The following CDH23 variants were observed in gnomAD, a reference collection of about 807,000 sequenced individuals.
CDH23 encodes the protein cadherin-23.
Under a neutral mutation model 317.1 loss-of-function variants are expected in CDH23, and 189 were observed. The ratio of observed to expected loss-of-function variants is 0.60; its 90% CI spans 0.53 to 0.67. The LOEUF is 0.67. Ranked by LOEUF, CDH23 falls within the 30% of genes least tolerant of loss-of-function variation. The pLI is 0.00. For missense variants in CDH23, 4,401 were observed against 4,592.4 expected (o/e 0.96, Z 1.20); for synonymous variants, 1,839 against 1,876.8 (o/e 0.98, Z 0.52).
intron 21 of CDH23, among the ~76,000 whole-genome samples, chr10:71,695,070 C>T (rs947982340): frequency 3.3e-5 from 5 of 152,176 alleles, no homozygotes; most frequent in South Asian, 4.1e-4. Flanking sequence ...GTAGCTGAGA[C>T]GGGGAGGCTC....
chr10:71,681,494 G>A (rs1021922510), intron 17 of CDH23, among the ~76,000 whole-genome samples: 3 of 152,118 alleles, frequency 2.0e-5, no homozygotes, highest in East Asian at 1.9e-4. Flanking sequence ...AGGGTTCTTC[G>A]CCCACCTCTA....
intron 45 of CDH23, among the ~76,000 whole-genome samples, chr10:71,789,590 T>A (rs1357613731): frequency 6.6e-6 from 1 of 152,174 alleles, no homozygotes; most frequent in African/African-American, 2.4e-5. Flanking sequence ...CAGCCCCTGT[T>A]CCTCATCTCT....
chr10:71,447,369 C>G (rs1225876070), intron 3 of CDH23, among the ~76,000 whole-genome samples: 2 of 152,190 alleles, frequency 1.3e-5, no homozygotes, highest in African/African-American at 4.8e-5. Context: ...TCAACGATCT[C>G]TGCTCCAGTG....
rs1426707383 is a variant in CDH23, at chr10:71,725,247, A to C, written c.3431-125A>C. 6.6e-6 allele frequency: 10 copies of C among 1,508,858 alleles called. No homozygotes were observed. The Admixed American group carries it at 1.3e-4, about 20-fold the overall frequency. 93.5% of individuals were successfully genotyped at this position (1,508,858 alleles called of 1,614,324 possible). ...CTCTCCACTGTGAATTCTGTGTCCC[A>C]GAAGACCCGCAGCCTCCTCACAAGG... On this transcript the variant is annotated intron_variant, in intron 29 of 69. Transcript: ENST00000224721.
chr10:71,452,435 C>T (rs930933491), intron 3 of CDH23, among the ~76,000 whole-genome samples: 26 of 152,168 alleles, frequency 1.7e-4, no homozygotes, highest in African/African-American at 6.3e-4. Context: ...ACCTTGCCCC[C>T]CAGCACTGAC....
intron 6 of CDH23, among the ~76,000 whole-genome samples, chr10:71,522,944 G>A (rs929158401): frequency 1.3e-5 from 2 of 152,172 alleles, no homozygotes; most frequent in African/African-American, 4.8e-5. Context: ...CACCCAGAGA[G>A]GTTCAGTGAC....
intron 33 of CDH23, 89 bp from the exon 34 acceptor site, chr10:71,734,567 G>T (rs1395704159): frequency 5.6e-6 from 9 of 1,606,212 alleles, no homozygotes; most frequent in East Asian, 2.3e-5. Flanking sequence ...ACACTGCCGG[G>T]AGTGGGGTCT....
intron 9 of CDH23, among the ~76,000 whole-genome samples, chr10:71,592,818 A>G (rs1390336600): frequency 6.6e-6 from 1 of 152,190 alleles, no homozygotes; most frequent in Non-Finnish European, 1.5e-5. Flanking sequence ...CTCTCTGAGC[A>G]TCTGCCTCTC....
At position 71,704,913 on chromosome 10, in the gene CDH23, G is replaced by A. The variant is rs745868925; in HGVS notation, c.2736G>A (p.Val912=). The change falls in exon 25 of 70, where the codon GTG becomes GTA. Residue 912 remains valine (V), a splice_region_variant and synonymous_variant. Transcript: ENST00000224721. ...ATGCTGCCCCTCCTTGCCCTCAGGT[G>A]GTGGCCATCGACCTCGATGAGGGCC... The part of the protein sequence containing the change: ...GIPAGVSIYQ[V]VAIDLDEGLN... 2.2e-5 allele frequency: 36 copies of A among 1,611,590 alleles called. No individual in the cohort carries two copies. Among genetic ancestry groups the A allele is most frequent in the Non-Finnish European group, 3.1e-5 (36 of 1,178,702 alleles).
At chr10:71,536,086 T>C (rs1417913019) in intron 6 of CDH23, among the ~76,000 whole-genome samples, 1 of 152,248 alleles carries the variant, frequency 6.6e-6, no homozygotes, top group African/African-American at 2.4e-5. Context: ...GCATGGCCCC[T>C]GCCCTCAGGA....
chr10:71,520,671 G>A (rs1854620565), intron 6 of CDH23, among the ~76,000 whole-genome samples: 2 of 152,220 alleles, frequency 1.3e-5, no homozygotes, highest in South Asian at 2.1e-4. Flanking sequence ...CAGTAGGCCC[G>A]GACTGCCTTC....
At chr10:71,638,361 G>C (rs986790803) in intron 11 of CDH23, among the ~76,000 whole-genome samples, 10 of 152,218 alleles carry the variant, frequency 6.6e-5, no homozygotes, top group Non-Finnish European at 1.5e-4. Context: ...GTCACCAATA[G>C]CAGGGCAGTG....
chr10:71,791,067 T>A, intron 46 of CDH23, 65 bp from the exon 47 acceptor site: 1 of 1,317,444 alleles, frequency 7.6e-7, no homozygotes, highest in Non-Finnish European at 1.1e-6. Context: ...CTGTTGGTTC[T>A]TGCCCTGTCT....
At chr10:71,435,524 G>A (rs1849576830) in intron 1 of CDH23, among the ~76,000 whole-genome samples, 1 of 152,202 alleles carries the variant, frequency 6.6e-6, no homozygotes, top group African/African-American at 2.4e-5. Flanking sequence ...CTTAGGAGGA[G>A]GGCTCTAAGC....
intron 28 of CDH23, 164 bp downstream of exon 28, chr10:71,712,977 C>G: frequency 1.2e-6 from 1 of 848,460 alleles, no homozygotes; most frequent in Non-Finnish European, 1.9e-6. Flanking sequence ...GACCCAGGCC[C>G]TCTCCCATCC....
At chr10:71,775,945 G>T (rs1671506447) in intron 38 of CDH23, among the ~76,000 whole-genome samples, 2 of 152,078 alleles carry the variant, frequency 1.3e-5, no homozygotes, top group Admixed American at 6.5e-5. Flanking sequence ...TTACTTGCCG[G>T]CAAGAATACA....
intron 1 of CDH23, among the ~76,000 whole-genome samples, chr10:71,403,389 T>C (rs1847904967): frequency 8.8e-6 from 1 of 113,400 alleles, no homozygotes; most frequent in African/African-American, 4.2e-5. Context: ...CTTTCTTTCT[T>C]TCTTTCTTTC....
chr10:71,754,546 G>A (rs1840085106), intron 38 of CDH23, among the ~76,000 whole-genome samples: 1 of 152,134 alleles, frequency 6.6e-6, no homozygotes, highest in Admixed American at 6.5e-5. Context: ...TCAAGGGCAG[G>A]GTCAGGAACT....
At chr10:71,613,757 C>T (rs1447837954) in intron 9 of CDH23, among the ~76,000 whole-genome samples, 27 of 152,214 alleles carry the variant, frequency 1.8e-4, no homozygotes, top group Admixed American at 1.8e-3. Context: ...AGGGGAAGAC[C>T]TGGGAGCTAC....
Sources: gnomAD v4.1 joint callset for allele counts (sites outside exome capture counted in the v4.1 genomes callset) on GRCh38, gnomAD v4.1.1 for gene constraint, MANE v1.5 for transcripts, NCBI Gene and HGNC (gene_info 2026-07-23, HGNC 2026-07-21) for gene names.